The following ST6GALNAC3 variants were observed in gnomAD, a reference collection of about 807,000 sequenced individuals.
ST6GALNAC3 encodes the protein alpha-N-acetylgalactosaminide alpha-2,6-sialyltransferase 3.
In ST6GALNAC3, 25 loss-of-function variants were observed where a neutral mutation model predicts 32.7. That is an observed-to-expected ratio of 0.76 (90% CI 0.56 to 1.07). The LOEUF is 1.07. ST6GALNAC3 is among the 50% of genes least tolerant of loss of function. The probability of loss-of-function intolerance (pLI) is 0.00; values close to 1 mark genes in which losing one functional copy is unlikely to be tolerated. For missense variants in ST6GALNAC3, 355 were observed against 382.4 expected (o/e 0.93, Z 0.60); for synonymous variants, 129 against 133.1 (o/e 0.97, Z 0.21).
intron 3 of ST6GALNAC3, among the ~76,000 whole-genome samples, chr1:76,499,940 C>A (rs956615820): frequency 1.3e-5 from 2 of 152,044 alleles, no homozygotes; most frequent in Non-Finnish European, 2.9e-5. Context: ...AACTGGAATA[C>A]TATGCGATCC....
At chr1:76,636,398 C>T (rs1312931514), downstream of ST6GALNAC3, among the ~76,000 whole-genome samples, 2 of 152,006 alleles carry the variant, frequency 1.3e-5, no homozygotes, top group Non-Finnish European at 2.9e-5. Flanking sequence ...TTTCAGCTCT[C>T]CTTTGGTATT....
intron 1 of ST6GALNAC3, among the ~76,000 whole-genome samples, chr1:76,275,990 A>G (rs1659111244): frequency 6.6e-6 from 1 of 152,114 alleles, no homozygotes; most frequent in Admixed American, 6.5e-5. Context: ...TTCCTTTATG[A>G]AGGGGAAATA....
chr1:76,623,441 A>T (rs1344478257), intron 3 of ST6GALNAC3, among the ~76,000 whole-genome samples: 1 of 151,910 alleles, frequency 6.6e-6, no homozygotes, highest in African/African-American at 2.4e-5. Context: ...AAATTCTCTT[A>T]TCATCCCTGT....
At chr1:76,588,387 G>A (rs1037158802) in intron 3 of ST6GALNAC3, among the ~76,000 whole-genome samples, 2 of 151,992 alleles carry the variant, frequency 1.3e-5, no homozygotes, top group Non-Finnish European at 2.9e-5. Context: ...TTTGTGCTAC[G>A]TAGAACACAA....
chr1:76,607,657 G>A (rs1324575026), intron 3 of ST6GALNAC3, among the ~76,000 whole-genome samples: 1 of 152,170 alleles, frequency 6.6e-6, no homozygotes, highest in East Asian at 1.9e-4. Flanking sequence ...TTGGGACAAA[G>A]ATCAAATGTT....
intron 1 of ST6GALNAC3, among the ~76,000 whole-genome samples, chr1:76,109,827 T>A (rs1307604462): frequency 6.6e-6 from 1 of 152,258 alleles, no homozygotes; most frequent in Non-Finnish European, 1.5e-5. Context: ...AATGGCTACC[T>A]GAGCATTAGT....
chr1:76,568,525 A>G (rs1209101967), intron 3 of ST6GALNAC3, among the ~76,000 whole-genome samples: 2 of 152,136 alleles, frequency 1.3e-5, no homozygotes, highest in Middle Eastern at 3.2e-3. Context: ...TCGAATTGCA[A>G]TTTGGAATCT....
At chr1:76,625,976 A>C (rs2100719929) in intron 3 of ST6GALNAC3, among the ~76,000 whole-genome samples, 1 of 152,022 alleles carries the variant, frequency 6.6e-6, no homozygotes, top group Non-Finnish European at 1.5e-5. Flanking sequence ...AATCACCCAA[A>C]GTCAATGCAA....
intron 1 of ST6GALNAC3, among the ~76,000 whole-genome samples, chr1:76,260,637 T>C (rs911345558): frequency 1.3e-5 from 2 of 152,188 alleles, no homozygotes; most frequent in Non-Finnish European, 2.9e-5. Context: ...ATTTCAAAGC[T>C]TGTGCTGTTA....
intron 1 of ST6GALNAC3, among the ~76,000 whole-genome samples, chr1:76,184,562 C>T (rs185070768): frequency 4.9e-4 from 73 of 148,092 alleles, no homozygotes; most frequent in African/African-American, 1.7e-3. Flanking sequence ...CACACACACA[C>T]GAAACATATG....
rs146613882 is a variant in ST6GALNAC3 at position 76,593,953 on chromosome 1, G to A, written c.624-33499G>A. 7.6e-3 allele frequency among the ~76,000 whole-genome samples: 1,151 copies of A among 152,222 alleles called. 12 individuals are homozygous for A. The highest frequency in any genetic ancestry group is 0.037 in the Admixed American group (568 of 15,284). ...TAATAGAATCTCTGAGGATTACTAC[G>A]ATTCCCACAGAGCCCATCACAAGTA... On this transcript the variant is annotated intron_variant, in intron 3 of 4. Transcript: ENST00000328299.
At chr1:76,138,923 A>G (rs749118754) in intron 1 of ST6GALNAC3, among the ~76,000 whole-genome samples, 34 of 152,176 alleles carry the variant, frequency 2.2e-4, no homozygotes, top group Non-Finnish European at 3.8e-4. Context: ...GGCCGGGCGC[A>G]GTGGCTCACA....
intron 3 of ST6GALNAC3, among the ~76,000 whole-genome samples, chr1:76,600,335 A>G (rs1647203681): frequency 6.6e-6 from 1 of 152,172 alleles, no homozygotes; most frequent in African/African-American, 2.4e-5. Context: ...AGTTTATGGT[A>G]TTTTATTATA....
intron 2 of ST6GALNAC3, among the ~76,000 whole-genome samples, chr1:76,344,494 G>T (rs1243465019): frequency 6.6e-6 from 1 of 151,918 alleles, no homozygotes; most frequent in Admixed American, 6.6e-5. Flanking sequence ...TTTAATGTCT[G>T]TCTCCACCAC....
At chr1:76,367,658 G>A (rs575489157) in intron 2 of ST6GALNAC3, among the ~76,000 whole-genome samples, 46 of 152,230 alleles carry the variant, frequency 3.0e-4, no homozygotes, top group African/African-American at 1.1e-3. Flanking sequence ...ATCAAGCAAT[G>A]ATGATATGGC....
chr1:76,085,716 G>A (rs1646956126), intron 1 of ST6GALNAC3, among the ~76,000 whole-genome samples: 1 of 152,150 alleles, frequency 6.6e-6, no homozygotes. Flanking sequence ...GCCACCAGGT[G>A]ATACTAGCAC....
At position 76,549,127 on chromosome 1, in the gene ST6GALNAC3, T is replaced by A. The variant is rs12023292; in HGVS notation, c.624-78325T>A. 1.1e-3 allele frequency among the ~76,000 whole-genome samples: 169 copies of A among 152,360 alleles called. 2 individuals are homozygous for A. In the East Asian group the frequency reaches 0.032, roughly 28 times the overall value. ...ATACCATGTTTCAAATATAAAGAGA[T>A]GTATATATGAAATAAAATAACGAAC... On this transcript the variant is annotated intron_variant, in intron 3 of 4. Coordinates refer to ENST00000328299, the MANE Select transcript of ST6GALNAC3 (RefSeq NM_152996.4).
chr1:76,203,993 G>T (rs1654681400), intron 1 of ST6GALNAC3, among the ~76,000 whole-genome samples: 1 of 152,072 alleles, frequency 6.6e-6, no homozygotes, highest in Non-Finnish European at 1.5e-5. Flanking sequence ...CTATCAAACA[G>T]GGTGTTTAAT....
At chr1:76,563,843 C>A (rs920649691) in intron 3 of ST6GALNAC3, among the ~76,000 whole-genome samples, 1 of 152,172 alleles carries the variant, frequency 6.6e-6, no homozygotes, top group Non-Finnish European at 1.5e-5. Flanking sequence ...GGTTCTTTCT[C>A]CCTTCTGCCC....
Sources: allele counts gnomAD v4.1 joint callset (sites outside exome capture counted in the v4.1 genomes callset), GRCh38; gene constraint gnomAD v4.1.1; transcripts MANE v1.5; gene names NCBI Gene and HGNC (gene_info 2026-07-23, HGNC 2026-07-21).